Variants in CDH22 observed in about 807,000 individuals in gnomAD.
The protein encoded by CDH22 is cadherin 22, also known as cadherin-22.
CDH22 carries 30 observed loss-of-function variants against 58.4 expected under a neutral mutation model. The ratio of observed to expected loss-of-function variants is 0.51; its 90% CI spans 0.38 to 0.70. CDH22 has a LOEUF of 0.70. Ranked by LOEUF, CDH22 falls within the 30% of genes least tolerant of loss-of-function variation. CDH22 has a pLI of 0.00. For synonymous variants in CDH22, 513 were observed against 558.2 expected (o/e 0.92, Z 1.14); for missense variants, 1,014 against 1,233.9 (o/e 0.82, Z 2.67).
At chr20:46,271,153 G>A (rs937181232) in intron 1 of CDH22, among the ~76,000 whole-genome samples, 3 of 152,196 alleles carry the variant, frequency 2.0e-5, no homozygotes, top group Admixed American at 6.5e-5. Context: ...CCTGGGCTGA[G>A]CCCATTGTAA....
intron 3 of CDH22, among the ~76,000 whole-genome samples, chr20:46,239,357 G>A (rs535102574): frequency 2.0e-5 from 3 of 152,296 alleles, no homozygotes; most frequent in Admixed American, 2.0e-4. Flanking sequence ...GAACACACAT[G>A]TACATCAGGC....
At chr20:46,219,260 A>G (rs2086107937) in intron 4 of CDH22, among the ~76,000 whole-genome samples, 2 of 152,142 alleles carry the variant, frequency 1.3e-5, no homozygotes, top group Admixed American at 1.3e-4. Flanking sequence ...CCCCTTCTCT[A>G]CCACCACTGG....
chr20:46,292,960 CT>C (rs560604945), intron 1 of CDH22, among the ~76,000 whole-genome samples: 53 of 144,352 alleles, frequency 3.7e-4, no homozygotes, highest in African/African-American at 1.3e-3. Context: ...GTATGTGTGT[CT>C]TCCCCACTAG....
At chr20:46,237,403 G>A (rs2086261124) in intron 3 of CDH22, among the ~76,000 whole-genome samples, 1 of 152,092 alleles carries the variant, frequency 6.6e-6, no homozygotes, top group Admixed American at 6.6e-5. Flanking sequence ...CTGCGTCCCT[G>A]CTCCCTCTGA....
chr20:46,230,026 T>C (rs996775374), intron 3 of CDH22, among the ~76,000 whole-genome samples: 2 of 152,132 alleles, frequency 1.3e-5, no homozygotes, highest in African/African-American at 4.8e-5. Flanking sequence ...CATGTGGGAA[T>C]GGTAAAGGGT....
intron 1 of CDH22, among the ~76,000 whole-genome samples, chr20:46,301,294 G>A (rs577213304): frequency 1.5e-3 from 231 of 152,070 alleles, no homozygotes; most frequent in African/African-American, 5.5e-3. Flanking sequence ...TAAGCGCTTT[G>A]TCTGTATTAC....
Position 46,241,674 on chromosome 20 carries a change from T to C in CDH22, c.256-417A>G, listed in dbSNP as rs112235589. Among the ~76,000 whole-genome samples, 605 of 152,260 alleles carry C rather than the reference T, an allele frequency of 4.0e-3. 1 individual carries two copies. Among genetic ancestry groups the C allele is most frequent in the African/African-American group, 0.014 (585 of 41,558 alleles). On this transcript the variant is annotated intron_variant, in intron 2 of 11. Coordinates refer to ENST00000537909, the MANE Select transcript of CDH22 (RefSeq NM_021248.3). The surrounding 1 kb of genome is among the most constrained non-coding windows in gnomAD (Gnocchi z 5.2). ...CTTGTTTCTCTGCCCATGGAAAGTC[T>C]CTCATCCTGCAAAGTGCAACAAAAA... is the stretch of plus-strand genomic sequence containing the variant.
intron 1 of CDH22, among the ~76,000 whole-genome samples, chr20:46,280,722 C>T (rs6017762): frequency 6.6e-6 from 1 of 152,176 alleles, no homozygotes; most frequent in African/African-American, 2.4e-5. Context: ...ATACAGTGAC[C>T]TTGAGCAATC....
intron 10 of CDH22, among the ~76,000 whole-genome samples, chr20:46,183,938 T>G (rs2085807226): frequency 6.6e-6 from 1 of 152,074 alleles, no homozygotes; most frequent in Non-Finnish European, 1.5e-5. Context: ...TCCACCCCAG[T>G]CCTGCTCACC....
chr20:46,212,900 G>A (rs963820233), intron 6 of CDH22, 95 bp downstream of exon 6: 32 of 975,672 alleles, frequency 3.3e-5, no homozygotes, highest in African/African-American at 9.6e-5. Flanking sequence ...AATCCATTGA[G>A]TGGAGTGAGG....
rs1032152552 is a variant in CDH22, at chr20:46,210,021, C to T, written c.1286+286G>A. The T allele has an allele frequency of 5.6e-6, 2 of 354,580 alleles. No individual in the cohort carries two copies. The highest frequency in any genetic ancestry group is 1.0e-5 in the Non-Finnish European group (2 of 196,644). 22.0% of individuals were successfully genotyped at this position (354,580 alleles called of 1,614,324 possible). On this transcript the variant is annotated intron_variant, in intron 7 of 11. Transcript: ENST00000537909. This position sits in a 1 kb window ranked among gnomAD's most constrained non-coding sequence, Gnocchi z 4.5. ...GCTGCAGCCAGCAGCGCGGAGACCC[C>T]GCCAGTGCAGTGCCCGCCTCTGTGT... is the stretch of plus-strand genomic sequence containing the variant.
intron 1 of CDH22, among the ~76,000 whole-genome samples, chr20:46,269,817 G>A (rs1050385259): frequency 1.1e-4 from 16 of 152,106 alleles, no homozygotes; most frequent in Admixed American, 3.3e-4. Context: ...TACCCCCTGC[G>A]GATTTCCCCA....
chr20:46,293,258 C>T (rs2086613063), intron 1 of CDH22, among the ~76,000 whole-genome samples: 1 of 152,146 alleles, frequency 6.6e-6, no homozygotes, highest in African/African-American at 2.4e-5. Flanking sequence ...CAGAGAGTAC[C>T]TTGGACAGCA....
At chr20:46,307,473 A>C (rs569480441) in intron 1 of CDH22, among the ~76,000 whole-genome samples, 5 of 152,296 alleles carry the variant, frequency 3.3e-5, no homozygotes, top group African/African-American at 1.2e-4. Context: ...TTTGGACGTT[A>C]GGCTGTCGGG....
chr20:46,228,591 G>T (rs1203648572), intron 3 of CDH22, among the ~76,000 whole-genome samples: 1 of 152,142 alleles, frequency 6.6e-6, no homozygotes, highest in Non-Finnish European at 1.5e-5. Flanking sequence ...CAGGTGGAGG[G>T]GCCAACAAAG....
chr20:46,241,578 T>A lies in CDH22; in HGVS notation c.256-321A>T. Among the ~76,000 whole-genome samples the A allele has an allele frequency of 6.6e-6, 1 of 152,112 alleles. No homozygotes were observed. The highest frequency in any genetic ancestry group is 1.5e-5 in the Non-Finnish European group (1 of 68,008). ...GCTTCCCATTGCCTTCACAAAGAAG[T>A]CCAGCACCACCTCCACACCTCTCTC... On this transcript the variant is annotated intron_variant, in intron 2 of 11. Transcript: ENST00000537909. The surrounding 1 kb of genome is among the most constrained non-coding windows in gnomAD (Gnocchi z 5.2).
intron 7 of CDH22, among the ~76,000 whole-genome samples, chr20:46,204,133 A>G: frequency 6.6e-6 from 1 of 152,084 alleles, no homozygotes. Context: ...GGTGGCTCAC[A>G]CCTATAATCC....
At chr20:46,219,023 C>T (rs1165460624) in intron 4 of CDH22, among the ~76,000 whole-genome samples, 1 of 152,200 alleles carries the variant, frequency 6.6e-6, no homozygotes, top group African/African-American at 2.4e-5. Context: ...GACTCCCATA[C>T]AGGCAACAGA....
At chr20:46,229,621 A>AGC (rs1428257423) in intron 3 of CDH22, among the ~76,000 whole-genome samples, 1 of 152,216 alleles carries the variant, frequency 6.6e-6, no homozygotes, top group East Asian at 1.9e-4. Flanking sequence ...TTCCACGTCC[A>AGC]GCACCAAGGA....
Sources: allele counts gnomAD v4.1 joint callset (sites outside exome capture counted in the v4.1 genomes callset), GRCh38; gene constraint gnomAD v4.1.1; non-coding constraint Gnocchi (gnomAD v3.1); transcripts MANE v1.5; gene names NCBI Gene and HGNC (gene_info 2026-07-23, HGNC 2026-07-21).